C8orf34: variants seen among roughly 807,000 people sequenced by gnomAD.
C8orf34 encodes the protein uncharacterized protein C8orf34.
Under a neutral mutation model 68.3 loss-of-function variants are expected in C8orf34, and 65 were observed. The observed-to-expected ratio is 0.95, with a 90% CI of 0.78 to 1.17. C8orf34 has a LOEUF of 1.17. Among genes scored for constraint, C8orf34 ranks in the 50% most tolerant of loss-of-function variants. C8orf34 has a pLI of 0.00. For missense variants in C8orf34, 664 were observed against 655.4 expected, an observed-to-expected ratio of 1.01 and a Z score of -0.14; for synonymous variants, 244 against 241.2, an observed-to-expected ratio of 1.01 and a Z score of -0.11.
chr8:68,442,041 A>G (rs1383503055), intron 2 of C8orf34, among the ~76,000 whole-genome samples: 1 of 152,218 alleles, frequency 6.6e-6, no homozygotes, highest in East Asian at 1.9e-4. Flanking sequence ...ACAGATAATA[A>G]TAAGAGTGAA....
intron 3 of C8orf34, among the ~76,000 whole-genome samples, chr8:68,467,664 G>A (rs904295849): frequency 2.6e-5 from 4 of 151,812 alleles, no homozygotes; most frequent in Admixed American, 6.6e-5. Context: ...GTTCATTTTG[G>A]TAGAGCAACT....
At chr8:68,448,933 G>T (rs927749200) in intron 3 of C8orf34, among the ~76,000 whole-genome samples, 11 of 151,960 alleles carry the variant, frequency 7.2e-5, no homozygotes, top group Non-Finnish European at 1.5e-4. Flanking sequence ...ATCATAAAAG[G>T]TTATTTAATT....
chr8:68,730,521 A>C (rs996214593), intron 10 of C8orf34, among the ~76,000 whole-genome samples: 1 of 152,106 alleles, frequency 6.6e-6, no homozygotes, highest in Admixed American at 6.5e-5. Context: ...ATTTGCCCAG[A>C]CCTATGCAAA....
At chr8:68,635,635 C>A (rs773323346) in intron 7 of C8orf34, among the ~76,000 whole-genome samples, 5 of 152,144 alleles carry the variant, frequency 3.3e-5, no homozygotes, top group Non-Finnish European at 7.4e-5. Context: ...CCATTTAGTA[C>A]AATGCTTCTG....
chr8:68,604,081 G>T (rs948450157), intron 7 of C8orf34, among the ~76,000 whole-genome samples: 9 of 152,106 alleles, frequency 5.9e-5, no homozygotes, highest in Admixed American at 1.3e-4. Context: ...TCAAATTATT[G>T]TATGGAAAGC....
At chr8:68,794,506 T>A (rs1320683060) in intron 12 of C8orf34, among the ~76,000 whole-genome samples, 1 of 59,044 alleles carries the variant, frequency 1.7e-5, no homozygotes, top group Non-Finnish European at 3.0e-5. Context: ...TATATATATA[T>A]TTTTTTTTTT....
chr8:68,475,422 A>C (rs146838429), intron 4 of C8orf34, among the ~76,000 whole-genome samples: 51 of 152,332 alleles, frequency 3.3e-4, no homozygotes, highest in African/African-American at 1.2e-3. Flanking sequence ...AGATTAGCAC[A>C]TAACTTGGTT....
intron 7 of C8orf34, among the ~76,000 whole-genome samples, chr8:68,558,682 G>A (rs959104964): frequency 5.9e-5 from 9 of 152,062 alleles, no homozygotes; most frequent in African/African-American, 2.2e-4. Context: ...AATATGTTTA[G>A]ATATAAAAAT....
chr8:68,501,362 C>T (rs1813764490), intron 5 of C8orf34, among the ~76,000 whole-genome samples: 1 of 152,130 alleles, frequency 6.6e-6, no homozygotes, highest in Admixed American at 6.5e-5. Flanking sequence ...CACTGTGTGT[C>T]CTGGGCGCCC....
chr8:68,745,473 C>T (rs1822457826), intron 10 of C8orf34, among the ~76,000 whole-genome samples: 1 of 152,110 alleles, frequency 6.6e-6, no homozygotes, highest in Non-Finnish European at 1.5e-5. Context: ...CATCAGTGTG[C>T]TGTATTCAGG....
At chr8:68,735,862 C>T (rs1488933985) in intron 10 of C8orf34, among the ~76,000 whole-genome samples, 1 of 152,118 alleles carries the variant, frequency 6.6e-6, no homozygotes, top group Non-Finnish European at 1.5e-5. Context: ...TTTCCTCTTT[C>T]CCTCTTTTTG....
chr8:68,377,222 T>C (rs1358680745), intron 1 of C8orf34, among the ~76,000 whole-genome samples: 3 of 151,878 alleles, frequency 2.0e-5, no homozygotes, highest in African/African-American at 4.8e-5. Flanking sequence ...CAAAACCTGG[T>C]CTCTATAAAA....
At chr8:68,402,392 C>G (rs945991338) in intron 1 of C8orf34, among the ~76,000 whole-genome samples, 2 of 151,676 alleles carry the variant, frequency 1.3e-5, no homozygotes, top group African/African-American at 4.8e-5. Context: ...ATTGTTTTTT[C>G]ATCTCAATTT....
chr8:68,763,157 A>G (rs530502338), intron 10 of C8orf34, among the ~76,000 whole-genome samples: 1 of 152,310 alleles, frequency 6.6e-6, no homozygotes, highest in South Asian at 2.1e-4. Context: ...CTAAACTCCC[A>G]ATGAATGAAT....
intron 7 of C8orf34, among the ~76,000 whole-genome samples, chr8:68,589,709 AAGG>A (rs1194694692): frequency 5.4e-5 from 8 of 148,644 alleles, no homozygotes; most frequent in Admixed American, 4.0e-4. Context: ...GGGAAAGAGA[AAGG>A]AGGAAAGGAA....
chr8:68,575,018 G>A (rs1277014931), intron 7 of C8orf34, among the ~76,000 whole-genome samples: 1 of 151,560 alleles, frequency 6.6e-6, no homozygotes, highest in Non-Finnish European at 1.5e-5. Flanking sequence ...TTAATGCCAT[G>A]GCTAGAAACT....
At chr8:68,727,181 A>T (rs1291897929) in intron 10 of C8orf34, among the ~76,000 whole-genome samples, 1 of 152,160 alleles carries the variant, frequency 6.6e-6, no homozygotes, top group Non-Finnish European at 1.5e-5. Context: ...ATTCCAAATG[A>T]GAGAAATTGG....
rs542374328 is a variant in C8orf34, at chr8:68,495,420, T to C, written c.765+7369T>C. ...AGAACTTACTATATGCCAGATAGCATTCTACATTATTTGCTTGCATTATCT... is the reference window on the plus strand; with the variant it reads ...AGAACTTACTATATGCCAGATAGCACTCTACATTATTTGCTTGCATTATCT... On this transcript the variant is annotated intron_variant, in intron 5 of 13. Coordinates refer to ENST00000518698, the MANE Select transcript of C8orf34 (RefSeq NM_052958.4). 4.6e-5 allele frequency among the ~76,000 whole-genome samples: 7 copies of C among 152,304 alleles called. 1 individual carries two copies. The South Asian group carries it at 1.4e-3, about 32-fold the overall frequency.
chr8:68,608,752 G>A (rs1482017525), intron 7 of C8orf34, among the ~76,000 whole-genome samples: 1 of 151,968 alleles, frequency 6.6e-6, no homozygotes, highest in Non-Finnish European at 1.5e-5. Flanking sequence ...AGGTCTGATG[G>A]GGGGGATGAG....
Sources: allele counts gnomAD v4.1 joint callset (sites outside exome capture counted in the v4.1 genomes callset), GRCh38; gene constraint gnomAD v4.1.1; transcripts MANE v1.5; gene names NCBI Gene and HGNC (gene_info 2026-07-23, HGNC 2026-07-21).